Variants in ANKRD35 observed in about 807,000 individuals in gnomAD.
The protein encoded by ANKRD35 is ankyrin repeat domain 35.
A neutral mutation model predicts 109.9 loss-of-function variants in ANKRD35; 102 were observed. That is an observed-to-expected ratio of 0.93 (90% CI 0.79 to 1.09). The LOEUF (loss-of-function observed/expected upper bound fraction) is 1.09, where lower values mean the gene tolerates loss of function less well. Ranked by LOEUF, ANKRD35 falls within the 50% of genes least tolerant of loss-of-function variation. The probability of loss-of-function intolerance (pLI) is 0.00; values close to 1 mark genes in which losing one functional copy is unlikely to be tolerated. For synonymous variants in ANKRD35, 515 were observed against 512.4 expected (o/e 1.01, Z -0.07); for missense variants, 1,240 against 1,230.1 (o/e 1.01, Z -0.12).
At chr1:145,875,269 C>T (rs1570801545) in intron 7 of ANKRD35, among the ~76,000 whole-genome samples, 1 of 151,902 alleles carries the variant, frequency 6.6e-6, no homozygotes, top group Non-Finnish European at 1.5e-5. Context: ...CCTCAACCTC[C>T]CGAGTAGCTG....
chr1:145,867,188 G>A, intron 13 of ANKRD35, 99 bp downstream of exon 13: 2 of 777,062 alleles, frequency 2.6e-6, no homozygotes, highest in East Asian at 5.1e-5. Flanking sequence ...CCCATTGTCA[G>A]CCACCACGGG....
At chr1:145,879,229 A>G (rs1553740673) in intron 2 of ANKRD35, 29 bp downstream of exon 2, 2 of 1,546,044 alleles carry the variant, frequency 1.3e-6, no homozygotes, top group Non-Finnish European at 1.7e-6. Flanking sequence ...AGCCACATGT[A>G]AGGGGCAGGG....
rs782722167 is a variant in ANKRD35, at chr1:145,868,312, T to G, written c.2876A>C (p.Gln959Pro). Residue 959 changes from glutamine to proline, a missense_variant and splice_region_variant, in exon 11 of 14, where the codon CAG (glutamine) becomes CCG (proline). Coordinates refer to ENST00000355594, the MANE Select transcript of ANKRD35 (RefSeq NM_144698.5). ...GENARLALQL[Q>P]DSQKNHEEII... ...CCATCCCTGACAGCCAAAACATACC[T>G]GCAGCTGCAGGGCAAGGCGAGCATT... The G allele has an allele frequency of 2.4e-5, 39 of 1,614,032 alleles. No individual in the cohort carries two copies. In the South Asian group the frequency reaches 3.8e-4, roughly 16 times the overall value.
At chr1:145,867,474 A>G (rs1449569999) in intron 12 of ANKRD35, 82 bp from the exon 13 acceptor site, 4 of 1,199,810 alleles carry the variant, frequency 3.3e-6, no homozygotes, top group Middle Eastern at 1.9e-4. Flanking sequence ...TCTGTGGTAC[A>G]GTGGAAGGCT....
intron 10 of ANKRD35, among the ~76,000 whole-genome samples, chr1:145,868,925 A>G (rs1022068759): frequency 6.6e-6 from 1 of 152,178 alleles, no homozygotes; most frequent in Non-Finnish European, 1.5e-5. Context: ...TGCACTTTTA[A>G]GTTTTCAAAA....
At chr1:145,871,320 G>A (rs925718109) in intron 10 of ANKRD35, among the ~76,000 whole-genome samples, 2 of 151,590 alleles carry the variant, frequency 1.3e-5, no homozygotes, top group African/African-American at 4.8e-5. Flanking sequence ...CCCGCACCAC[G>A]CCCAGCTAAT....
At chr1:145,876,681 G>T (rs1553740182) in intron 5 of ANKRD35, 42 bp from the exon 6 acceptor site, 1 of 1,613,034 alleles carries the variant, frequency 6.2e-7, no homozygotes, top group Middle Eastern at 1.7e-4. Flanking sequence ...CATGAAGAAA[G>T]CCTACTCAGA....
Position 145,876,573 on chromosome 1 carries a change from T to A in ANKRD35, c.449A>T (p.Asp150Val). Reference protein sequence around the residue: ...CDHEAFLDVLDNDGRTPLMIA... With the variant: ...CDHEAFLDVLVNDGRTPLMIA... ...ACTTGCCCATCTGACACTCACATTA[T>A]CCAACACGTCCAGGAAGGCTTCGTG... The change falls in exon 6 of 14, where the codon GAT becomes GTT. Residue 150 changes from aspartate to valine, a missense_variant. By Grantham distance (152) the Asp-to-Val change is radical (BLOSUM62 -3). Transcript: ENST00000355594. 3.1e-6 allele frequency: 5 copies of A among 1,614,108 alleles called. No homozygotes were observed. The highest frequency in any genetic ancestry group is 4.2e-6 in the Non-Finnish European group (5 of 1,180,016).
intron 1 of ANKRD35, 28 bp downstream of exon 1, chr1:145,885,692 C>G (rs1654450905): frequency 6.2e-7 from 1 of 1,613,062 alleles, no homozygotes. Context: ...GATCCCAACC[C>G]CATCCTCCCA....
intron 10 of ANKRD35, among the ~76,000 whole-genome samples, 167 bp from the exon 11 acceptor site, chr1:145,868,567 A>G (rs782272655): frequency 9.2e-5 from 14 of 152,252 alleles, no homozygotes; most frequent in Non-Finnish European, 1.5e-4. Context: ...CACTAAAAGT[A>G]GGAATAACAA....
rs962937591 is a variant in ANKRD35 at position 145,872,356 on chromosome 1, G to T, written c.2413C>A (p.Gln805Lys). 1 of 1,612,882 alleles carries T rather than the reference G, an allele frequency of 6.2e-7. No homozygotes were observed. Among genetic ancestry groups the T allele is most frequent in the East Asian group, 2.2e-5 (1 of 44,852 alleles). ...AGCTGCTTCAGCTTTCCGATCTCCTGGCTCTTCCCGCTCATCGTGGCCTGA... is the reference window on the plus strand; with the variant it reads ...AGCTGCTTCAGCTTTCCGATCTCCTTGCTCTTCCCGCTCATCGTGGCCTGA... The part of the protein sequence containing the change: ...AVQATMSGKS[Q>K]EIGKLKQLLY... The change falls in exon 10 of 14, where the codon CAG (glutamine) becomes AAG (lysine). Residue 805 changes from glutamine (Q) to lysine (K), a missense_variant. Gln to Lys is a moderately conservative substitution (Grantham distance 53). Coordinates refer to ENST00000355594, the MANE Select transcript of ANKRD35 (RefSeq NM_144698.5).
intron 1 of ANKRD35, among the ~76,000 whole-genome samples, chr1:145,881,747 C>A (rs1355155453): frequency 6.6e-6 from 1 of 152,086 alleles, no homozygotes; most frequent in Non-Finnish European, 1.5e-5. Flanking sequence ...CTATAACAAC[C>A]TATAAGGCAT....
At chr1:145,878,768 C>T (rs587717669) in intron 2 of ANKRD35, among the ~76,000 whole-genome samples, 12 of 152,176 alleles carry the variant, frequency 7.9e-5, no homozygotes, top group Admixed American at 7.9e-4. Context: ...AGCACAGAAC[C>T]TTAGCGGAAG....
intron 1 of ANKRD35, among the ~76,000 whole-genome samples, chr1:145,882,296 C>CTTTT (rs57073568): frequency 9.7e-6 from 1 of 103,550 alleles, no homozygotes; most frequent in African/African-American, 3.8e-5. Context: ...TCTTTCTTTC[C>CTTTT]TTTTTTTTTT....
At chr1:145,870,970 A>G (rs1653787202) in intron 10 of ANKRD35, among the ~76,000 whole-genome samples, 1 of 152,006 alleles carries the variant, frequency 6.6e-6, no homozygotes, top group African/African-American at 2.4e-5. Flanking sequence ...GAAGTCTGAA[A>G]TCATTCATTT....
At position 145,872,771 on chromosome 1, in the gene ANKRD35, T is replaced by G. The variant is rs782732151; in HGVS notation, c.1998A>C (p.Leu666=). The stretch of plus-strand genomic sequence containing the variant: ...GCCCCACACTCTGTCGCAACTGCTG[T>G]AGCTGGACCTGCGCCTGTGGCTTGG... The part of the protein sequence containing the change: ...FVPKPQAQVQ[L]QQLRQSVGLL... Residue 666 remains leucine (L), a synonymous_variant, in exon 10 of 14, where the codon CTA becomes CTC. Coordinates refer to ENST00000355594, the MANE Select transcript of ANKRD35 (RefSeq NM_144698.5). The G allele has an allele frequency of 1.2e-6, 2 of 1,614,008 alleles. No homozygotes were observed. Among genetic ancestry groups the G allele is most frequent in the African/African-American group, 2.7e-5 (2 of 74,928 alleles).
rs1553739205 is a variant in ANKRD35, at chr1:145,873,048, G to A, written c.1721C>T (p.Ala574Val). The A allele has an allele frequency of 6.2e-7, 1 of 1,611,460 alleles. No individual in the cohort carries two copies. Among genetic ancestry groups the A allele is most frequent in the Non-Finnish European group, 8.5e-7 (1 of 1,178,794 alleles). ...QESREGALKA[A>V]PGSIKQDEEK... ...TTCATCCTGTTTGATGCTCCCTGGG[G>A]CTGCCTTTAGGGCTCCCTCTCTGGA... The change falls in exon 10 of 14, where the codon GCC becomes GTC. Residue 574 changes from alanine to valine, a missense_variant. Ala to Val is a moderately conservative substitution (Grantham distance 64, BLOSUM62 0). Coordinates refer to ENST00000355594, the MANE Select transcript of ANKRD35 (RefSeq NM_144698.5).
intron 10 of ANKRD35, among the ~76,000 whole-genome samples, chr1:145,871,162 T>TC (rs1553738558): frequency 8.7e-6 from 1 of 115,300 alleles, no homozygotes; most frequent in Non-Finnish European, 1.8e-5. Flanking sequence ...TCTTTTTTTT[T>TC]TTTTTTTTTT....
At position 145,872,872 on chromosome 1, in the gene ANKRD35, C is replaced by A. The variant is rs147843027; in HGVS notation, c.1897G>T (p.Glu633Ter). The change falls in exon 10 of 14, where the codon GAG becomes TAG. Residue 633 changes from glutamate (E) to a stop codon, truncating the protein, a stop_gained. Transcript: ENST00000355594. LOFTEE classifies it high-confidence loss of function. ...AACCTCTGCCGCTCCCGCCCCAACT[C>A]CCCTAACTCCTCCAGCAAGTTACTG... is the stretch of plus-strand genomic sequence containing the variant. ...SNSNLLEELG[E>*]LGRERQRLQR... 3.7e-6 allele frequency: 6 copies of A among 1,614,014 alleles called. No homozygotes were observed. The East Asian group carries it at 8.9e-5, about 24-fold the overall frequency.
Sources: gnomAD v4.1 joint callset for allele counts (sites outside exome capture counted in the v4.1 genomes callset) on GRCh38, gnomAD v4.1.1 for gene constraint, MANE v1.5 for transcripts, NCBI Gene and HGNC (gene_info 2026-07-23, HGNC 2026-07-21) for gene names.